DEPDC5: variants seen among roughly 807,000 people sequenced by gnomAD.
The protein encoded by DEPDC5 is DEP domain containing 5, GATOR1 subcomplex subunit, also known as GATOR1 complex protein DEPDC5.
A neutral mutation model predicts 217.3 loss-of-function variants in DEPDC5; 73 were observed. The ratio of observed to expected loss-of-function variants is 0.34; its 90% confidence interval spans 0.28 to 0.41. The LOEUF (loss-of-function observed/expected upper bound fraction) is 0.41. Among genes scored for constraint, DEPDC5 ranks in the 10% least tolerant of loss-of-function variants. The probability of loss-of-function intolerance (pLI) is 1.00; values close to 1 mark genes in which losing one functional copy is unlikely to be tolerated. For synonymous variants in DEPDC5, 733 were observed against 756.7 expected, an observed-to-expected ratio of 0.97 and a Z score of 0.51; for missense variants, 1,675 against 2,070.1, an observed-to-expected ratio of 0.81 and a Z score of 3.70.
intron 32 of DEPDC5, chr22:31,859,086 T>TG (rs1462848298): frequency 2.3e-5 from 3 of 131,336 alleles, no homozygotes; most frequent in Non-Finnish European, 3.2e-5. Context: ...TTTGTTTTTT[T>TG]TTTTTTTTTT....
chr22:31,790,383 A>G (rs756931970), intron 10 of DEPDC5, among the ~76,000 whole-genome samples: 3 of 152,100 alleles, frequency 2.0e-5, no homozygotes, highest in Non-Finnish European at 4.4e-5. Context: ...GCCACTTTTG[A>G]TGTTCATCTG....
intron 22 of DEPDC5, among the ~76,000 whole-genome samples, chr22:31,821,195 C>T (rs534387309): frequency 1.8e-4 from 28 of 152,348 alleles, no homozygotes; most frequent in African/African-American, 4.3e-4. Flanking sequence ...TGTTAGCCCT[C>T]CTGGCAAGGG....
rs983161675 is a variant in DEPDC5 at position 31,802,987 on chromosome 22, G to A, written c.1081+149G>A. ...GTCTGTGGATGTCAATAGGTGTCAG[G>A]TGCTAAAATTTCATGGTCAAATCAG... On this transcript the variant is annotated intron_variant, in intron 15 of 42. Coordinates refer to ENST00000651528, the MANE Select transcript of DEPDC5 (RefSeq NM_001242896.3). 2.0e-5 allele frequency: 22 copies of A among 1,122,868 alleles called. No homozygotes were observed. In the Admixed American group the frequency reaches 4.4e-4, roughly 22 times the overall value. The allele number at this position is 1,122,868 out of a possible 1,614,324, so 69.6% of individuals were successfully genotyped here. A position where few individuals can be genotyped will look rare whatever the true frequency, so the allele number is the denominator to read the frequency against.
intron 33 of DEPDC5, among the ~76,000 whole-genome samples, chr22:31,869,231 C>G (rs1447127708): frequency 6.7e-6 from 1 of 150,048 alleles, no homozygotes; most frequent in Admixed American, 6.6e-5. Flanking sequence ...GAGGGCAACC[C>G]TGTCTCTGGA....
chr22:31,885,208 C>T (rs1214529572), intron 38 of DEPDC5, among the ~76,000 whole-genome samples: 1 of 152,216 alleles, frequency 6.6e-6, no homozygotes, highest in African/African-American at 2.4e-5. Flanking sequence ...CTAGAGTTTT[C>T]AGCAGCCTAC....
chr22:31,802,831 A>T lies in DEPDC5; in HGVS notation c.1074A>T (p.Ile358=). The change falls in exon 15 of 43, where the codon ATA becomes ATT. Residue 358 remains isoleucine, a synonymous_variant. Coordinates refer to ENST00000651528, the MANE Select transcript of DEPDC5 (RefSeq NM_001242896.3). ...TGATCCTGACCAAGCAGCGGATGAT[A>T]GATAATGGTAATGCTCTCTGGTTTG... is the stretch of plus-strand genomic sequence containing the variant. The part of the protein sequence containing the change: ...LLMILTKQRM[I]DNGIGVDLVC... 1 of 1,601,680 alleles carries T rather than the reference A, an allele frequency of 6.2e-7. No homozygotes were observed. The highest frequency in any genetic ancestry group is 1.3e-5 in the African/African-American group (1 of 74,604).
Position 31,767,450 on chromosome 22 carries a change from C to T in DEPDC5, c.363+782C>T, listed in dbSNP as rs142817153. On this transcript the variant is annotated intron_variant, in intron 6 of 42. Coordinates refer to ENST00000651528, the MANE Select transcript of DEPDC5 (RefSeq NM_001242896.3). ...AGCTGGGATTACGGGCATGCACCAC[C>T]GCACCTGGCTAATTTTGTGTTTTTA... 3.5e-3 allele frequency among the ~76,000 whole-genome samples: 535 copies of T among 152,218 alleles called. 3 individuals carry two copies. Among genetic ancestry groups the T allele is most frequent in the African/African-American group, 0.012 (485 of 41,548 alleles).
intron 32 of DEPDC5, chr22:31,858,923 GAGA>G (rs1180499033): frequency 2.6e-5 from 4 of 152,150 alleles, no homozygotes; most frequent in Admixed American, 6.5e-5. Flanking sequence ...ATAAAAATCT[GAGA>G]AGAAGTATCA....
chr22:31,855,526 G>A (rs1443011844), intron 31 of DEPDC5, among the ~76,000 whole-genome samples: 8 of 151,738 alleles, frequency 5.3e-5, no homozygotes, highest in Non-Finnish European at 8.8e-5. Context: ...ACAGGCGCCC[G>A]CCACAACGCC....
In DEPDC5 at chr22:31,837,082, C is replaced by T. The variant is rs2091060364; in HGVS notation, c.2281C>T (p.Pro761Ser). The T allele has an allele frequency of 1.2e-6, 2 of 1,614,090 alleles. No individual in the cohort carries two copies. Among genetic ancestry groups the T allele is most frequent in the African/African-American group, 1.3e-5 (1 of 74,926 alleles). The stretch of plus-strand genomic sequence containing the variant: ...CCTCCCCCTTACCACCGACTACTTC[C>T]CTGACCGCCAGGGCCTGCAGAATGA... ...ACLPLTTDYF[P>S]DRQGLQNDYT... The change falls in exon 26 of 43, where the codon CCT becomes TCT. Residue 761 changes from proline to serine, a missense_variant. This residue lies in a region of DEPDC5 where 293 missense variants were observed against 386.1 expected (regional missense o/e 0.76). Transcript: ENST00000651528.
Position 31,852,443 on chromosome 22 carries a change from T to C in DEPDC5, c.3156-5002T>C, listed in dbSNP as rs184788422. Among the ~76,000 whole-genome samples the C allele has an allele frequency of 7.3e-5, 11 of 151,624 alleles. No individual in the cohort carries two copies. The East Asian group carries it at 1.7e-3, about 24-fold the overall frequency. On this transcript the variant is annotated intron_variant, in intron 31 of 42. Coordinates refer to ENST00000651528, the MANE Select transcript of DEPDC5 (RefSeq NM_001242896.3). The stretch of plus-strand genomic sequence containing the variant: ...GCAGCCTCCATCTTCTGGGTTCAAG[T>C]GATTCTCCTGCCTCAGCCTCCCGAG...
At position 31,856,880 on chromosome 22, in the gene DEPDC5, G is replaced by A. The variant is rs557550525; in HGVS notation, c.3156-565G>A. ...TGCCTCCTGAGTTCAAGTGATTCTC[G>A]TGCCTTAGCCTCCCGAGTAGCTGCG... On this transcript the variant is annotated intron_variant, in intron 31 of 42. Transcript: ENST00000651528. Among the ~76,000 whole-genome samples the A allele has an allele frequency of 2.6e-5, 4 of 152,052 alleles. No individual in the cohort carries two copies. The East Asian group carries it at 5.8e-4, about 22-fold the overall frequency.
chr22:31,771,070 C>G (rs1415187302), intron 7 of DEPDC5, among the ~76,000 whole-genome samples: 1 of 152,146 alleles, frequency 6.6e-6, no homozygotes, highest in African/African-American at 2.4e-5. Flanking sequence ...GGCGTTGAGC[C>G]ACCGCACGCG....
chr22:31,879,653 C>T lies in DEPDC5; in HGVS notation c.3934C>T (p.Leu1312Phe), dbSNP rs2093121640. 6.2e-7 allele frequency: 1 copy of T among 1,614,154 alleles called. No individual in the cohort carries two copies. Among genetic ancestry groups the T allele is most frequent in the Non-Finnish European group, 8.5e-7 (1 of 1,180,036 alleles). ...CGTGCACTCTGAGATTCCTGCCTTT[C>T]TCCTGCCCTGGCTGCCTAGCCGGCC... ...ELVHSEIPAF[L>F]LPWLPSRPAS... Residue 1312 changes from leucine (L) to phenylalanine (F), a missense_variant, in exon 38 of 43, where the codon CTC becomes TTC. Coordinates refer to ENST00000651528, the MANE Select transcript of DEPDC5 (RefSeq NM_001242896.3).
At chr22:31,853,939 T>C (rs1296344289) in intron 31 of DEPDC5, among the ~76,000 whole-genome samples, 1 of 152,224 alleles carries the variant, frequency 6.6e-6, no homozygotes, top group African/African-American at 2.4e-5. Flanking sequence ...CAGTGTGCCA[T>C]CTGCCTGCAG....
rs375192259 is a variant in DEPDC5, at chr22:31,867,270, A to G, written c.3331-3320A>G. On this transcript the variant is annotated intron_variant, in intron 33 of 42. Coordinates refer to ENST00000651528, the MANE Select transcript of DEPDC5 (RefSeq NM_001242896.3). ...ACCCCTAAAATAAAAACATGACTAGATGGGGGAAATTCAGGTAAAGAAAAA... is the reference window on the plus strand; with the variant it reads ...ACCCCTAAAATAAAAACATGACTAGGTGGGGGAAATTCAGGTAAAGAAAAA... Among the ~76,000 whole-genome samples the G allele has an allele frequency of 2.4e-3, 368 of 152,312 alleles. 4 individuals are homozygous for G. The highest frequency in any genetic ancestry group is 0.011 in the South Asian group (52 of 4,828).
chr22:31,846,691 A>G (rs1320182364), intron 30 of DEPDC5, 143 bp from the exon 31 acceptor site: 3 of 1,172,008 alleles, frequency 2.6e-6, no homozygotes, highest in Non-Finnish European at 3.6e-6. Context: ...TCTGTCACTT[A>G]CTGAACACTG....
At chr22:31,804,558 G>C (rs2087273061) in intron 16 of DEPDC5, among the ~76,000 whole-genome samples, 1 of 152,160 alleles carries the variant, frequency 6.6e-6, no homozygotes, top group Non-Finnish European at 1.5e-5. Context: ...TCCTGCCTCA[G>C]CCTCCCGAGT....
intron 10 of DEPDC5, among the ~76,000 whole-genome samples, chr22:31,788,058 A>G (rs2085199405): frequency 6.6e-6 from 1 of 151,968 alleles, no homozygotes; most frequent in African/African-American, 2.4e-5. Context: ...CAGATATTAA[A>G]CACCTACTAT....
Sources: gnomAD v4.1 joint callset for allele counts (sites outside exome capture counted in the v4.1 genomes callset) on GRCh38, gnomAD v4.1.1 for gene constraint, gnomAD v4.1.1 regional missense constraint, MANE v1.5 for transcripts, NCBI Gene and HGNC (gene_info 2026-07-23, HGNC 2026-07-21) for gene names.